The following TMCO4 variants were observed in gnomAD, a reference collection of about 807,000 sequenced individuals.
The protein encoded by TMCO4 is transmembrane and coiled-coil domains 4, also known as transmembrane and coiled-coil domain-containing protein 4.
In TMCO4, 58 loss-of-function variants were observed where a neutral mutation model predicts 64.7. The observed-to-expected ratio is 0.90, with a 90% confidence interval of 0.73 to 1.12. TMCO4 has a LOEUF of 1.12. Among genes scored for constraint, TMCO4 ranks in the 50% most tolerant of loss-of-function variants. The pLI, the probability that TMCO4 is intolerant of heterozygous loss-of-function variation, is 0.00. For synonymous variants in TMCO4, 325 were observed against 346.1 expected (o/e 0.94, Z 0.68); for missense variants, 780 against 825.9 (o/e 0.94, Z 0.68).
chr1:19,701,696 G>C (rs1483166533), intron 13 of TMCO4, among the ~76,000 whole-genome samples: 1 of 152,074 alleles, frequency 6.6e-6, no homozygotes, highest in African/African-American at 2.4e-5. Context: ...CTCTGCAAAA[G>C]GTTCCCTGGG....
At chr1:19,770,997 A>C (rs1469122255) in intron 5 of TMCO4, among the ~76,000 whole-genome samples, 1 of 152,226 alleles carries the variant, frequency 6.6e-6, no homozygotes, top group East Asian at 1.9e-4. Context: ...GACCTTGGGC[A>C]AGTTACTTAA....
intron 13 of TMCO4, among the ~76,000 whole-genome samples, chr1:19,716,658 C>T (rs971862084): frequency 4.6e-5 from 7 of 152,048 alleles, no homozygotes; most frequent in Non-Finnish European, 5.9e-5. Context: ...AGCTGTGTGA[C>T]CATGAATAAA....
intron 13 of TMCO4, among the ~76,000 whole-genome samples, chr1:19,717,178 C>T (rs1252233133): frequency 1.3e-5 from 2 of 152,176 alleles, no homozygotes. Flanking sequence ...ATGAGCGAAA[C>T]TCCATCTCAA....
intron 4 of TMCO4, among the ~76,000 whole-genome samples, chr1:19,774,909 G>A (rs1199277936): frequency 6.6e-6 from 1 of 152,098 alleles, no homozygotes; most frequent in East Asian, 1.9e-4. Flanking sequence ...GACCCCAGAG[G>A]CTATGCATAC....
chr1:19,718,266 C>T lies in TMCO4; in HGVS notation c.1265-17381G>A, dbSNP rs555468505. 1.4e-3 allele frequency among the ~76,000 whole-genome samples: 220 copies of T among 151,932 alleles called. 1 individual carries two copies. The highest frequency in any genetic ancestry group is 4.9e-3 in the African/African-American group (205 of 41,428). On this transcript the variant is annotated intron_variant, in intron 13 of 15. Coordinates refer to ENST00000294543, the MANE Select transcript of TMCO4 (RefSeq NM_181719.7). ...AGGAGAATCGCTTGAACTCAGGAGG[C>T]GGAGGTTGCAGTGAGCCAAGATCAC...
chr1:19,747,106 C>T lies in TMCO4; in HGVS notation c.613+57G>A, dbSNP rs1277665785. ...CTCTCCACTCTCACCCACAGCCTGG[C>T]ATCATTTCTCTGTCTACAAAACCCA... On this transcript the variant is annotated intron_variant, in intron 8 of 15. Coordinates refer to ENST00000294543, the MANE Select transcript of TMCO4 (RefSeq NM_181719.7). 2.6e-6 allele frequency: 4 copies of T among 1,564,100 alleles called. No homozygotes were observed. The African/African-American group carries it at 5.4e-5, about 21-fold the overall frequency.
chr1:19,774,554 A>T (rs565482059), intron 4 of TMCO4, among the ~76,000 whole-genome samples: 3 of 152,238 alleles, frequency 2.0e-5, no homozygotes, highest in East Asian at 1.9e-4. Flanking sequence ...CAAATGAATT[A>T]AAAAAAATAT....
At chr1:19,716,457 C>G (rs114725247) in intron 13 of TMCO4, among the ~76,000 whole-genome samples, 2 of 148,284 alleles carry the variant, frequency 1.3e-5, no homozygotes, top group African/African-American at 5.0e-5. Flanking sequence ...GCCTTGAACT[C>G]CCGACCTCGT....
intron 9 of TMCO4, 145 bp from the exon 10 acceptor site, chr1:19,745,796 T>A (rs1458094094): frequency 6.2e-6 from 7 of 1,133,246 alleles, no homozygotes; most frequent in Non-Finnish European, 8.6e-6. Context: ...TTTGAACTCA[T>A]TAAGGTAGGT....
intron 13 of TMCO4, among the ~76,000 whole-genome samples, chr1:19,702,673 GA>G (rs2100630450): frequency 6.6e-6 from 1 of 152,272 alleles, no homozygotes; most frequent in African/African-American, 2.4e-5. Flanking sequence ...CTGAGGCAGG[GA>G]GATTGCTTGA....
chr1:19,791,507 A>AG (rs1305625997), intron 2 of TMCO4, among the ~76,000 whole-genome samples: 1 of 152,122 alleles, frequency 6.6e-6, no homozygotes, highest in African/African-American at 2.4e-5. Flanking sequence ...GCATGGGGGC[A>AG]GCTGTGGTGT....
In TMCO4 at chr1:19,766,929, G is replaced by C. The variant is rs576297833; in HGVS notation, c.382+3613C>G. On this transcript the variant is annotated intron_variant, in intron 6 of 15. Coordinates refer to ENST00000294543, the MANE Select transcript of TMCO4 (RefSeq NM_181719.7). ...GGGTCTACCTACCTCTGATCTCTGG[G>C]GACCTTTGGGGCCCTGGCACCTGCT... is the stretch of plus-strand genomic sequence containing the variant. 3.0e-4 allele frequency among the ~76,000 whole-genome samples: 46 copies of C among 152,196 alleles called. 1 individual carries two copies. The highest frequency in any genetic ancestry group is 8.7e-4 in the African/African-American group (36 of 41,524).
At chr1:19,755,508 ACT>A in intron 7 of TMCO4, 124 bp downstream of exon 7, 2 of 1,364,824 alleles carry the variant, frequency 1.5e-6, no homozygotes, top group Non-Finnish European at 2.0e-6. Context: ...TACAGCTGGG[ACT>A]CTGTCCAGGG....
At chr1:19,717,369 C>A (rs191122185) in intron 13 of TMCO4, among the ~76,000 whole-genome samples, 1 of 152,234 alleles carries the variant, frequency 6.6e-6, no homozygotes, top group Non-Finnish European at 1.5e-5. Flanking sequence ...GTTCCCTCTG[C>A]GCCCTGCACA....
Position 19,741,077 on chromosome 1 carries a change from G to C in TMCO4, c.878-136C>G, listed in dbSNP as rs6694589. The C allele has an allele frequency of 4.5e-4, 402 of 887,978 alleles. 3 individuals carry two copies. In the African/African-American group the frequency reaches 6.0e-3, roughly 13 times the overall value. The allele number at this position is 887,978 out of a possible 1,614,324, so 55.0% of individuals were successfully genotyped here. A position where few individuals can be genotyped will look rare whatever the true frequency, so the allele number is the denominator to read the frequency against. On this transcript the variant is annotated intron_variant, in intron 10 of 15. Transcript: ENST00000294543. The stretch of plus-strand genomic sequence containing the variant: ...GAGGCCCACCCCCTGCCAATGAGTG[G>C]CAGCTGTCAGCAGAGCTAGCGGAGC...
At chr1:19,690,764 C>T (rs375674408) in intron 15 of TMCO4, among the ~76,000 whole-genome samples, 2 of 152,178 alleles carry the variant, frequency 1.3e-5, no homozygotes, top group East Asian at 1.9e-4. Flanking sequence ...ACTCCATGCT[C>T]CCAAGTCTCA....
At chr1:19,699,514 T>TATATATATATATATATATATATA (rs1557469801) in intron 14 of TMCO4, among the ~76,000 whole-genome samples, 1 of 146,086 alleles carries the variant, frequency 6.8e-6, no homozygotes, top group African/African-American at 2.5e-5. Flanking sequence ...TATATATATA[T>TATATATATATATATATATATATA]TGAGATGGAG....
intron 14 of TMCO4, among the ~76,000 whole-genome samples, chr1:19,700,045 A>G (rs1166581429): frequency 6.6e-6 from 1 of 152,204 alleles, no homozygotes; most frequent in African/African-American, 2.4e-5. Flanking sequence ...TGCTTCATCC[A>G]GAGGCTGGAT....
chr1:19,751,785 G>A (rs1374274608), intron 7 of TMCO4, among the ~76,000 whole-genome samples: 4 of 151,894 alleles, frequency 2.6e-5, no homozygotes, highest in African/African-American at 4.8e-5. Flanking sequence ...GTGGTGGCTC[G>A]CGCCTGTGGT....
Sources: gnomAD v4.1 joint callset for allele counts (sites outside exome capture counted in the v4.1 genomes callset) on GRCh38, gnomAD v4.1.1 for gene constraint, MANE v1.5 for transcripts, NCBI Gene and HGNC (gene_info 2026-07-23, HGNC 2026-07-21) for gene names.